Variants in POFUT3 observed in about 807,000 individuals in gnomAD.
POFUT3 encodes the protein GDP-fucose protein O-fucosyltransferase 3.
chr8:33,418,910 C>A, the POFUT3 span, among the ~76,000 whole-genome samples: 1 of 152,146 alleles, frequency 6.6e-6, no homozygotes, highest in Non-Finnish European at 1.5e-5. Context: ...AGGATGAAAT[C>A]CTGTCATTTG....
At chr8:33,319,242 T>C in the POFUT3 span, among the ~76,000 whole-genome samples, 1 of 52,038 alleles carries the variant, frequency 1.9e-5, no homozygotes, top group African/African-American at 9.1e-5. Context: ...ACATAATATA[T>C]AAATATATTT....
chr8:33,414,330 G>C, the POFUT3 span, among the ~76,000 whole-genome samples: 1 of 152,086 alleles, frequency 6.6e-6, no homozygotes, highest in Non-Finnish European at 1.5e-5. Context: ...AGAGCTCAGA[G>C]GAACTCTGTC....
the POFUT3 span, among the ~76,000 whole-genome samples, chr8:33,387,119 G>A: frequency 6.6e-6 from 1 of 152,062 alleles, no homozygotes; most frequent in Non-Finnish European, 1.5e-5. Flanking sequence ...GTGTGTGTGT[G>A]TATTTAATTT....
At chr8:33,443,571 C>A in the POFUT3 span, among the ~76,000 whole-genome samples, 11 of 152,198 alleles carry the variant, frequency 7.2e-5, no homozygotes. Flanking sequence ...TGGCTCACTG[C>A]AACCTCTGCC....
the POFUT3 span, among the ~76,000 whole-genome samples, chr8:33,446,456 CAAA>C: frequency 7.2e-6 from 1 of 138,458 alleles, no homozygotes. Context: ...GATCCTATTA[CAAA>C]AAAAAAAAAA....
At chr8:33,330,900 C>T in the POFUT3 span, among the ~76,000 whole-genome samples, 2 of 152,242 alleles carry the variant, frequency 1.3e-5, no homozygotes, top group Non-Finnish European at 2.9e-5. Context: ...GGCTTCCCAA[C>T]CTGGTTGTGA....
At chr8:33,345,057 T>C in the POFUT3 span, among the ~76,000 whole-genome samples, 5 of 152,242 alleles carry the variant, frequency 3.3e-5, no homozygotes, top group Admixed American at 2.6e-4. Context: ...CAACAGGGCA[T>C]ATTTTTATGA....
the POFUT3 span, among the ~76,000 whole-genome samples, chr8:33,456,395 T>C: frequency 1.3e-5 from 2 of 152,262 alleles, no homozygotes; most frequent in African/African-American, 4.8e-5. Flanking sequence ...TCTCTCTCTG[T>C]CGCCCAGGCT....
At chr8:33,348,837 A>G in the POFUT3 span, among the ~76,000 whole-genome samples, 1,239 of 152,294 alleles carry the variant, frequency 8.1e-3, 7 homozygotes, top group Non-Finnish European at 0.014. Context: ...GGAGAGAAGG[A>G]GGTGAGCCTA....
chr8:33,398,220 T>C, the POFUT3 span, among the ~76,000 whole-genome samples: 1 of 151,960 alleles, frequency 6.6e-6, no homozygotes, highest in South Asian at 2.1e-4. Flanking sequence ...TTTTGTTTTG[T>C]TTTTCAATTT....
At chr8:33,465,114 T>C in the POFUT3 span, among the ~76,000 whole-genome samples, 1 of 152,202 alleles carries the variant, frequency 6.6e-6, no homozygotes, top group East Asian at 1.9e-4. Flanking sequence ...ACTATCACTA[T>C]TTCTTTCCCT....
At chr8:33,337,223 A>C in the POFUT3 span, among the ~76,000 whole-genome samples, 1 of 152,196 alleles carries the variant, frequency 6.6e-6, no homozygotes, top group South Asian at 2.1e-4. Context: ...AACCGGAAAA[A>C]TCTATAGATC....
At chr8:33,314,059 T>C in the POFUT3 span, among the ~76,000 whole-genome samples, 1 of 152,198 alleles carries the variant, frequency 6.6e-6, no homozygotes, top group Non-Finnish European at 1.5e-5. Flanking sequence ...GCTAGAGATT[T>C]GATTAACACC....
chr8:33,394,353 C>G, the POFUT3 span: 1 of 157,526 alleles, frequency 6.3e-6, no homozygotes. Flanking sequence ...CCACTCAGGA[C>G]CCCCACAAGT....
chr8:33,464,038 C>T, the POFUT3 span, among the ~76,000 whole-genome samples: 117 of 152,272 alleles, frequency 7.7e-4, no homozygotes, highest in African/African-American at 2.6e-3. Flanking sequence ...AACCTCACCT[C>T]TCCATAACTC....
At chr8:33,434,175 C>T in the POFUT3 span, among the ~76,000 whole-genome samples, 1 of 151,940 alleles carries the variant, frequency 6.6e-6, no homozygotes, top group African/African-American at 2.4e-5. Flanking sequence ...GCAGGAGAAT[C>T]GCTTGAACTT....
At chr8:33,362,084 A>G in the POFUT3 span, among the ~76,000 whole-genome samples, 1 of 152,210 alleles carries the variant, frequency 6.6e-6, no homozygotes, top group Admixed American at 6.5e-5. Flanking sequence ...CAGAAACCCT[A>G]CAAGCCAGAA....
At chr8:33,399,984 T>G in the POFUT3 span, among the ~76,000 whole-genome samples, 2 of 152,184 alleles carry the variant, frequency 1.3e-5, no homozygotes, top group South Asian at 4.2e-4. Flanking sequence ...GATACCCATT[T>G]GCTATTGAAA....
the POFUT3 span, among the ~76,000 whole-genome samples, chr8:33,424,184 G>GAATTAGGGTTAA: frequency 2.4e-4 from 37 of 152,044 alleles, no homozygotes; most frequent in African/African-American, 7.7e-4. Flanking sequence ...TAAGCCATGG[G>GAATTAGGGTTAA]AATTAGGGTT....
Sources: gnomAD v4.1 joint callset for allele counts (sites outside exome capture counted in the v4.1 genomes callset) on GRCh38, gnomAD v4.1.1 for gene constraint, MANE v1.5 for transcripts, NCBI Gene and HGNC (gene_info 2026-07-23, HGNC 2026-07-21) for gene names.